The following GUCY2F variants were observed in gnomAD, a reference collection of about 807,000 sequenced individuals.
GUCY2F encodes the protein guanylate cyclase 2F, retinal.
In GUCY2F, 61 loss-of-function variants were observed where a neutral mutation model predicts 73.1. The ratio of observed to expected loss-of-function variants is 0.83; its 90% CI spans 0.68 to 1.03. The LOEUF (loss-of-function observed/expected upper bound fraction) is 1.03. Ranked by LOEUF, GUCY2F falls within the 50% of genes least tolerant of loss-of-function variation. GUCY2F has a pLI of 0.00. For synonymous variants in GUCY2F, 331 were observed against 307.8 expected, an observed-to-expected ratio of 1.08 and a Z score of -0.79; for missense variants, 912 against 854.3, an observed-to-expected ratio of 1.07 and a Z score of -0.84.
intron 3 of GUCY2F, among the ~76,000 whole-genome samples, chrX:109,460,269 A>G (rs1048382622): frequency 8.9e-6 from 1 of 112,000 alleles, no homozygotes; most frequent in East Asian, 2.8e-4. Context: ...TCTAGATTGA[A>G]AGGCTCCACC....
chrX:109,465,827 G>A (rs185172124), intron 2 of GUCY2F, among the ~76,000 whole-genome samples: 14 of 112,219 alleles, frequency 1.2e-4, no homozygotes, highest in African/African-American at 4.5e-4. Context: ...CCATAAAATG[G>A]AGATAACAAT....
chrX:109,412,206 G>A (rs749755786), intron 8 of GUCY2F, among the ~76,000 whole-genome samples: 4 of 112,169 alleles, frequency 3.6e-5, no homozygotes, highest in Non-Finnish European at 7.5e-5. Flanking sequence ...AGGCAGATCT[G>A]AGATGTATTT....
chrX:109,448,637 T>A (rs1416466169), intron 5 of GUCY2F, among the ~76,000 whole-genome samples: 1 of 112,356 alleles, frequency 8.9e-6, no homozygotes, highest in Non-Finnish European at 1.9e-5. Context: ...CAAATTGGCA[T>A]GAGATCTCCT....
At chrX:109,407,802 A>G (rs1374634507) in intron 9 of GUCY2F, among the ~76,000 whole-genome samples, 1 of 113,520 alleles carries the variant, frequency 8.8e-6, no homozygotes, top group African/African-American at 3.2e-5. Context: ...GCAGGTGCAC[A>G]GAAGTCAGGA....
In GUCY2F at chrX:109,435,759, T is replaced by A. The variant is rs888527256; in HGVS notation, c.1702-5363A>T. Reference sequence around the variant, plus strand: ...TGCCCATTCAGTATGATATTGGCTGTGGGTTTGTCATAGATAGCTCTTATG... The same window carrying A: ...TGCCCATTCAGTATGATATTGGCTGAGGGTTTGTCATAGATAGCTCTTATG... On this transcript the variant is annotated intron_variant, in intron 7 of 19. Coordinates refer to ENST00000218006, the MANE Select transcript of GUCY2F (RefSeq NM_001522.3). 6.3e-5 allele frequency among the ~76,000 whole-genome samples: 7 copies of A among 111,700 alleles called. No homozygotes were observed. In the Admixed American group the frequency reaches 6.7e-4, roughly 11 times the overall value.
intron 8 of GUCY2F, among the ~76,000 whole-genome samples, chrX:109,414,862 A>T (rs1931204225): frequency 1.8e-5 from 2 of 112,022 alleles, no homozygotes; most frequent in Non-Finnish European, 3.8e-5. Context: ...CCAAACACTA[A>T]GTAAAAGCCA....
At chrX:109,426,636 G>A (rs992576193) in intron 8 of GUCY2F, among the ~76,000 whole-genome samples, 6 of 111,879 alleles carry the variant, frequency 5.4e-5, no homozygotes, top group Non-Finnish European at 7.5e-5. Context: ...TGATCCGCCC[G>A]CCTCGGCCTC....
intron 7 of GUCY2F, among the ~76,000 whole-genome samples, chrX:109,435,955 G>T (rs1222272639): frequency 9.0e-6 from 1 of 111,373 alleles, no homozygotes. Flanking sequence ...TATTGAACCA[G>T]CCTTGCATCC....
At chrX:109,402,433 C>T (rs1432433447) in intron 10 of GUCY2F, among the ~76,000 whole-genome samples, 4 of 105,800 alleles carry the variant, frequency 3.8e-5, no homozygotes, top group African/African-American at 7.1e-5. Flanking sequence ...AGTGCAGTGG[C>T]GCAGTCTCGG....
At chrX:109,440,540 G>T (rs1317867446) in intron 7 of GUCY2F, among the ~76,000 whole-genome samples, 1 of 112,086 alleles carries the variant, frequency 8.9e-6, no homozygotes, top group Non-Finnish European at 1.9e-5. Context: ...TCCTGTTTTG[G>T]ACTTTCTTTG....
intron 8 of GUCY2F, among the ~76,000 whole-genome samples, chrX:109,409,649 G>C (rs749147536): frequency 5.4e-5 from 6 of 110,990 alleles, no homozygotes; most frequent in Admixed American, 9.5e-5. Context: ...ATTGTGAGAG[G>C]GACCCACTAG....
chrX:109,409,106 C>T lies in GUCY2F; in HGVS notation c.1854G>A (p.Met618Ile). ...PLLGFFYDSG[M>I]FAIVTEFCSR... ...AACAGAATTCTGTCACAATGGCAAA[C>T]ATCCCCGAATCATAGAAGAAACCCA... The change falls in exon 9 of 20, where the codon ATG becomes ATA. Residue 618 changes from methionine (M) to isoleucine (I), a missense_variant. Met to Ile is a conservative substitution (Grantham distance 10, BLOSUM62 1). Coordinates refer to ENST00000218006, the MANE Select transcript of GUCY2F (RefSeq NM_001522.3). 2 of 1,110,016 alleles carry T rather than the reference C, an allele frequency of 1.8e-6. No homozygotes were observed. Among genetic ancestry groups the T allele is most frequent in the Non-Finnish European group, 2.5e-6 (2 of 802,731 alleles). The allele number at this position is 1,110,016 out of a possible 1,213,427, so 91.5% of individuals were successfully genotyped here.
chrX:109,402,858 CAA>C (rs1473958990), intron 10 of GUCY2F, among the ~76,000 whole-genome samples: 1 of 111,637 alleles, frequency 9.0e-6, no homozygotes, highest in Non-Finnish European at 1.9e-5. Context: ...TTATAAAGAG[CAA>C]AGTCTTATAA....
chrX:109,473,185 C>T (rs769246152), intron 2 of GUCY2F, among the ~76,000 whole-genome samples: 4 of 111,532 alleles, frequency 3.6e-5, no homozygotes, highest in Non-Finnish European at 5.6e-5. Flanking sequence ...CCTTTAATCT[C>T]TCTTTCTGAA....
At chrX:109,481,805 G>C (rs1184702135) in intron 1 of GUCY2F, 61 bp downstream of exon 1, 1 of 110,069 alleles carries the variant, frequency 9.1e-6, no homozygotes, top group African/African-American at 3.3e-5. Flanking sequence ...TCCCAGGTGG[G>C]CTGTGTCTTT....
At chrX:109,397,783 A>C (rs999081255) in intron 11 of GUCY2F, among the ~76,000 whole-genome samples, 2 of 110,176 alleles carry the variant, frequency 1.8e-5, no homozygotes, top group African/African-American at 6.6e-5. Context: ...TATTTTGTAG[A>C]ATGTCAGCTG....
At chrX:109,441,240 G>A in intron 7 of GUCY2F, 111 bp downstream of exon 7, 1 of 434,984 alleles carries the variant, frequency 2.3e-6, no homozygotes, top group Non-Finnish European at 3.8e-6. Context: ...CACCAAACTG[G>A]AAAGACTTGC....
At chrX:109,481,151 C>T (rs1932763804) in intron 1 of GUCY2F, among the ~76,000 whole-genome samples, 1 of 109,319 alleles carries the variant, frequency 9.1e-6, no homozygotes, top group African/African-American at 3.3e-5. Context: ...GGGAGGATGC[C>T]CTAAACCTCC....
At chrX:109,424,317 C>G (rs1014654763) in intron 8 of GUCY2F, among the ~76,000 whole-genome samples, 3 of 111,630 alleles carry the variant, frequency 2.7e-5, no homozygotes. Context: ...AAATCAGACT[C>G]AATTTTGAAA....
Sources: gnomAD v4.1 joint callset for allele counts (sites outside exome capture counted in the v4.1 genomes callset) on GRCh38, gnomAD v4.1.1 for gene constraint, MANE v1.5 for transcripts, NCBI Gene and HGNC (gene_info 2026-07-23, HGNC 2026-07-21) for gene names.